Variants in ANXA8 observed in about 807,000 individuals in gnomAD.
The protein encoded by ANXA8 is annexin A8, also known as VAC-beta.
ANXA8 carries 9 observed loss-of-function variants against 26.8 expected under a neutral mutation model. The ratio of observed to expected loss-of-function variants is 0.34; its 90% CI spans 0.20 to 0.59. The LOEUF (loss-of-function observed/expected upper bound fraction) is 0.59. ANXA8 is among the 20% of genes least tolerant of loss of function. The probability of loss-of-function intolerance (pLI) is 0.84; values close to 1 mark genes in which losing one functional copy is unlikely to be tolerated. For synonymous variants in ANXA8, 39 were observed against 94.8 expected, an observed-to-expected ratio of 0.41 and a Z score of 3.42; for missense variants, 83 against 238.5, an observed-to-expected ratio of 0.35 and a Z score of 4.29.
chr10:47,962,664 AT>A, the ANXA8 span, among the ~76,000 whole-genome samples: 1 of 151,388 alleles, frequency 6.6e-6, no homozygotes, highest in South Asian at 2.1e-4. Flanking sequence ...ACACACACTT[AT>A]AAGCACACAC....
At chr10:47,616,670 G>A in the ANXA8 span, among the ~76,000 whole-genome samples, 16 of 68,562 alleles carry the variant, frequency 2.3e-4, 4 homozygotes, top group East Asian at 4.4e-3. Flanking sequence ...TGCAGGATGG[G>A]TGCAATGCTG....
chr10:47,940,830 A>G, the ANXA8 span, among the ~76,000 whole-genome samples: 1 of 144,636 alleles, frequency 6.9e-6, no homozygotes, highest in South Asian at 2.2e-4. Context: ...TCCATCTCAA[A>G]AAAAAAAAAG....
chr10:47,631,840 C>T, the ANXA8 span, among the ~76,000 whole-genome samples: 1 of 151,196 alleles, frequency 6.6e-6, no homozygotes, highest in Non-Finnish European at 1.5e-5. Flanking sequence ...AGTGCTCATC[C>T]TTATTTGATA....
the ANXA8 span, among the ~76,000 whole-genome samples, chr10:47,702,472 C>T: frequency 6.6e-6 from 1 of 151,264 alleles, no homozygotes; most frequent in Non-Finnish European, 1.5e-5. Context: ...TCCCAAGTAG[C>T]TGGGACTACA....
the ANXA8 span, among the ~76,000 whole-genome samples, chr10:47,741,833 A>G: frequency 8.0e-6 from 1 of 125,212 alleles, no homozygotes; most frequent in Non-Finnish European, 1.6e-5. Flanking sequence ...AAAAGAATAA[A>G]CAGGGATTTT....
At chr10:47,626,918 G>C in the ANXA8 span, among the ~76,000 whole-genome samples, 1 of 149,620 alleles carries the variant, frequency 6.7e-6, no homozygotes, top group Non-Finnish European at 1.5e-5. Context: ...TTTTTAAATT[G>C]GAAGGGGGTA....
chr10:47,699,162 C>T, the ANXA8 span, among the ~76,000 whole-genome samples: 5 of 150,918 alleles, frequency 3.3e-5, no homozygotes, highest in Admixed American at 3.3e-4. Flanking sequence ...GCCTGGCCAA[C>T]ATAGCAAAAC....
chr10:47,671,743 A>G, the ANXA8 span, among the ~76,000 whole-genome samples: 1 of 151,946 alleles, frequency 6.6e-6, no homozygotes, highest in Non-Finnish European at 1.5e-5. Context: ...TTAAGATCTG[A>G]TTCCAAAGTA....
chr10:47,565,989 C>G, the ANXA8 span: 6,679 of 1,442,360 alleles, frequency 4.6e-3, 185 homozygotes, highest in African/African-American at 0.086. Context: ...GGGAGCTTCT[C>G]GGGCAGCGTG....
At chr10:47,548,057 T>C in the ANXA8 span, among the ~76,000 whole-genome samples, 1 of 143,292 alleles carries the variant, frequency 7.0e-6, no homozygotes, top group African/African-American at 2.5e-5. Context: ...TTTACACAAC[T>C]TTACATTAAT....
the ANXA8 span, chr10:47,502,631 T>C: frequency 6.2e-7 from 1 of 1,607,282 alleles, no homozygotes; most frequent in Non-Finnish European, 8.5e-7. Flanking sequence ...GAGCATTCAA[T>C]ACACATGAGG....
the ANXA8 span, among the ~76,000 whole-genome samples, chr10:47,495,529 A>AC: frequency 6.7e-6 from 1 of 148,470 alleles, no homozygotes; most frequent in African/African-American, 2.5e-5. Flanking sequence ...CAGGTGATCC[A>AC]CCTGCCTCGG....
the ANXA8 span, among the ~76,000 whole-genome samples, chr10:47,627,876 A>T: frequency 2.0e-5 from 3 of 149,244 alleles, no homozygotes; most frequent in African/African-American, 7.6e-5. Context: ...TACCAAATGT[A>T]TTTTTAAGTT....
chr10:47,769,688 T>G, the ANXA8 span, among the ~76,000 whole-genome samples: 2 of 152,260 alleles, frequency 1.3e-5, no homozygotes, highest in South Asian at 4.1e-4. Context: ...CATAAAAAAA[T>G]CAGTTAAAAG....
the ANXA8 span, among the ~76,000 whole-genome samples, chr10:47,681,787 C>T: frequency 4.0e-5 from 5 of 124,270 alleles, no homozygotes; most frequent in South Asian, 1.2e-3. Context: ...CTGTCTGCCT[C>T]AGCCTCCCAA....
At chr10:47,674,499 C>T in the ANXA8 span, among the ~76,000 whole-genome samples, 1 of 151,536 alleles carries the variant, frequency 6.6e-6, no homozygotes, top group Non-Finnish European at 1.5e-5. Flanking sequence ...TTGATATTGA[C>T]CTTGATCATC....
At chr10:47,724,239 G>A in the ANXA8 span, among the ~76,000 whole-genome samples, 3 of 133,094 alleles carry the variant, frequency 2.3e-5, 1 homozygote, top group Non-Finnish European at 4.8e-5. Flanking sequence ...GAATCACTCA[G>A]GCCTCATCTG....
chr10:47,537,517 CAAGTT>C, the ANXA8 span, among the ~76,000 whole-genome samples: 2 of 147,404 alleles, frequency 1.4e-5, no homozygotes, highest in African/African-American at 5.0e-5. Flanking sequence ...CTTAAAATTA[CAAGTT>C]AATTCTATAG....
At chr10:47,699,125 T>C in the ANXA8 span, among the ~76,000 whole-genome samples, 1 of 151,558 alleles carries the variant, frequency 6.6e-6, no homozygotes, top group Non-Finnish European at 1.5e-5. Flanking sequence ...GGTGGGCGGA[T>C]CTCTTGAGGC....
Sources: allele counts gnomAD v4.1 joint callset (sites outside exome capture counted in the v4.1 genomes callset), GRCh38; gene constraint gnomAD v4.1.1; transcripts MANE v1.5; gene names NCBI Gene and HGNC (gene_info 2026-07-23, HGNC 2026-07-21).